The following FAM185A variants were observed in gnomAD, a reference collection of about 807,000 sequenced individuals.
FAM185A encodes the protein protein FAM185A.
Under a neutral mutation model 45.7 loss-of-function variants are expected in FAM185A, and 21 were observed. The observed-to-expected ratio is 0.46, with a 90% confidence interval of 0.33 to 0.66. The LOEUF (loss-of-function observed/expected upper bound fraction) is 0.66, where lower values mean the gene tolerates loss of function less well. FAM185A is among the 30% of genes least tolerant of loss of function. The pLI is 0.03. For synonymous variants in FAM185A, 117 were observed against 194.0 expected (o/e 0.60, Z 3.30); for missense variants, 305 against 485.4 (o/e 0.63, Z 3.49).
the FAM185A span, among the ~76,000 whole-genome samples, chr7:102,826,724 CATATATAT>C: frequency 1.8e-3 from 112 of 62,702 alleles, 3 homozygotes; most frequent in South Asian, 2.4e-3. Flanking sequence ...GACCCTGTCT[CATATATAT>C]ATATATATAT....
At chr7:102,819,159 GTCTT>G in the FAM185A span, among the ~76,000 whole-genome samples, 5 of 152,092 alleles carry the variant, frequency 3.3e-5, no homozygotes, top group African/African-American at 1.2e-4. Flanking sequence ...CATTGTGAGG[GTCTT>G]TCTTCCTCTC....
the FAM185A span, among the ~76,000 whole-genome samples, chr7:102,821,386 C>T: frequency 6.6e-6 from 1 of 152,180 alleles, no homozygotes; most frequent in Admixed American, 6.5e-5. Context: ...TTAACACACA[C>T]TTCCTTGGAT....
At chr7:102,776,702 T>TAAAAAAAAAAAAA (rs72022042) in intron 5 of FAM185A, among the ~76,000 whole-genome samples, 3 of 97,092 alleles carry the variant, frequency 3.1e-5, no homozygotes, top group African/African-American at 7.6e-5. Flanking sequence ...ACCCTGTCTC[T>TAAAAAAAAAAAAA]AAAAAAAAAA....
intron 5 of FAM185A, among the ~76,000 whole-genome samples, chr7:102,776,396 G>T (rs1478531411): frequency 6.6e-6 from 1 of 151,964 alleles, no homozygotes; most frequent in Non-Finnish European, 1.5e-5. Flanking sequence ...GTTTTCCCTT[G>T]AACTTGAGAT....
intron 7 of FAM185A, 126 bp downstream of exon 7, chr7:102,787,595 C>T: frequency 9.3e-7 from 1 of 1,073,924 alleles, no homozygotes; most frequent in Non-Finnish European, 1.2e-6. Flanking sequence ...TCATGTTTGA[C>T]ATCTTTTTTT....
At chr7:102,785,173 TAAAAG>T (rs1465445842) in intron 6 of FAM185A, among the ~76,000 whole-genome samples, 1 of 151,814 alleles carries the variant, frequency 6.6e-6, no homozygotes, top group African/African-American at 2.4e-5. Context: ...CTCAATGAAA[TAAAAG>T]AGGATACAAA....
intron 2 of FAM185A, among the ~76,000 whole-genome samples, chr7:102,754,240 G>A (rs1449274189): frequency 1.3e-5 from 2 of 151,034 alleles, no homozygotes; most frequent in Non-Finnish European, 1.5e-5. Context: ...TCACTCTGTT[G>A]CCCAGGCTGG....
At chr7:102,802,630 C>T (rs540801374) in intron 7 of FAM185A, among the ~76,000 whole-genome samples, 4 of 152,142 alleles carry the variant, frequency 2.6e-5, no homozygotes, top group African/African-American at 9.6e-5. Context: ...TAAGGTCACA[C>T]ATCAAGGAAC....
chr7:102,845,406 G>T, the FAM185A span, among the ~76,000 whole-genome samples: 1 of 152,198 alleles, frequency 6.6e-6, no homozygotes, highest in South Asian at 2.1e-4. Flanking sequence ...TGCCAGGACT[G>T]TGGATAAAGA....
At chr7:102,765,802 T>C (rs1242033993) in intron 4 of FAM185A, among the ~76,000 whole-genome samples, 3 of 151,588 alleles carry the variant, frequency 2.0e-5, no homozygotes, top group Admixed American at 6.6e-5. Context: ...AGTTTATTCA[T>C]TGACTTATTA....
intron 4 of FAM185A, among the ~76,000 whole-genome samples, chr7:102,770,104 A>C (rs995155912): frequency 2.0e-5 from 3 of 152,206 alleles, no homozygotes; most frequent in Non-Finnish European, 4.4e-5. Context: ...TCCTTAAAGC[A>C]TGGTTTTCTT....
downstream of FAM185A, among the ~76,000 whole-genome samples, chr7:102,812,843 T>C (rs1056241052): frequency 1.4e-4 from 20 of 144,146 alleles, no homozygotes; most frequent in Admixed American, 5.4e-4. Flanking sequence ...TTGGCTTCTT[T>C]TTTTTTTTTT....
At chr7:102,775,793 C>T (rs1183606118) in intron 5 of FAM185A, among the ~76,000 whole-genome samples, 2 of 151,884 alleles carry the variant, frequency 1.3e-5, no homozygotes, top group South Asian at 2.1e-4. Context: ...TTTTACTTGG[C>T]TTCTTTTAGG....
At chr7:102,821,730 A>C in the FAM185A span, among the ~76,000 whole-genome samples, 1 of 152,192 alleles carries the variant, frequency 6.6e-6, no homozygotes, top group African/African-American at 2.4e-5. Flanking sequence ...TTAATGCTCT[A>C]GGGGAGATTA....
chr7:102,816,967 C>T, the FAM185A span, among the ~76,000 whole-genome samples: 1 of 152,198 alleles, frequency 6.6e-6, no homozygotes, highest in East Asian at 1.9e-4. Context: ...TGTAGCATCC[C>T]ATGGTCTGAA....
the FAM185A span, among the ~76,000 whole-genome samples, chr7:102,841,854 A>G: frequency 6.6e-6 from 1 of 152,168 alleles, no homozygotes; most frequent in Non-Finnish European, 1.5e-5. Flanking sequence ...CTTGGCATGG[A>G]TAGCCAAGCA....
At chr7:102,795,145 A>G (rs575833281) in intron 7 of FAM185A, among the ~76,000 whole-genome samples, 3 of 152,340 alleles carry the variant, frequency 2.0e-5, no homozygotes, top group East Asian at 3.9e-4. Flanking sequence ...ACAAAGACAT[A>G]CCCGAAAAAT....
rs528369048 is a variant in FAM185A, at chr7:102,757,921, T to C, written c.629T>C (p.Ile210Thr). The C allele has an allele frequency of 3.1e-4, 480 of 1,533,640 alleles. No homozygotes were observed. The African/African-American group carries it at 5.0e-3, about 16-fold the overall frequency. The change falls in exon 3 of 8, where the codon ATA becomes ACA. Residue 210 changes from isoleucine (I) to threonine (T), a missense_variant. Around this residue, in one of 5 missense-constraint regions of FAM185A, gnomAD observed 12 missense variants for 46.4 expected, o/e 0.26. Coordinates refer to ENST00000413034, the MANE Select transcript of FAM185A (RefSeq NM_001145268.2). Reference protein sequence around the residue: ...VICLGTVYGNIDIHASDKSAV... With the variant: ...VICLGTVYGNTDIHASDKSAV... The stretch of plus-strand genomic sequence containing the variant: ...TGTCTGGGAACAGTTTATGGAAATA[T>C]AGATATTCATGCATCAGATAAAAGT...
At chr7:102,840,838 T>C in the FAM185A span, among the ~76,000 whole-genome samples, 4 of 152,202 alleles carry the variant, frequency 2.6e-5, no homozygotes, top group Non-Finnish European at 5.9e-5. Flanking sequence ...ACTGTCTACC[T>C]ATCTCATAGG....
Sources: gnomAD v4.1 joint callset for allele counts (sites outside exome capture counted in the v4.1 genomes callset) on GRCh38, gnomAD v4.1.1 for gene constraint, gnomAD v4.1.1 regional missense constraint, MANE v1.5 for transcripts, NCBI Gene and HGNC (gene_info 2026-07-23, HGNC 2026-07-21) for gene names.